Variants in ZNF385B observed in about 807,000 individuals in gnomAD.
The protein encoded by ZNF385B is zinc finger protein 533.
A neutral mutation model predicts 39.2 loss-of-function variants in ZNF385B; 23 were observed. The observed-to-expected ratio is 0.59, with a 90% CI of 0.42 to 0.83. ZNF385B has a LOEUF of 0.83. Ranked by LOEUF, ZNF385B falls within the 40% of genes least tolerant of loss-of-function variation. The pLI is 0.00. For synonymous variants in ZNF385B, 205 were observed against 222.6 expected (o/e 0.92, Z 0.70); for missense variants, 552 against 598.9 (o/e 0.92, Z 0.82).
At chr2:179,567,907 T>C (rs1403422062) in intron 3 of ZNF385B, among the ~76,000 whole-genome samples, 1 of 152,152 alleles carries the variant, frequency 6.6e-6, no homozygotes, top group African/African-American at 2.4e-5. Context: ...TCTTAAGGGA[T>C]CTTTCCGGGA....
chr2:179,554,718 A>G (rs1358295903), intron 3 of ZNF385B, among the ~76,000 whole-genome samples: 3 of 149,350 alleles, frequency 2.0e-5, no homozygotes, highest in Non-Finnish European at 3.0e-5. Flanking sequence ...AAAAGCATAT[A>G]TTAAAATGGC....
intron 6 of ZNF385B, among the ~76,000 whole-genome samples, chr2:179,483,050 C>A (rs2054173317): frequency 6.6e-6 from 1 of 151,174 alleles, no homozygotes; most frequent in African/African-American, 2.4e-5. Flanking sequence ...TTTACATATA[C>A]ACATATATAC....
intron 3 of ZNF385B, among the ~76,000 whole-genome samples, chr2:179,697,586 A>G (rs1698864287): frequency 1.3e-5 from 2 of 152,228 alleles, no homozygotes; most frequent in Non-Finnish European, 2.9e-5. Flanking sequence ...GGACTAATAC[A>G]GTAAGCTAAG....
intron 5 of ZNF385B, among the ~76,000 whole-genome samples, chr2:179,488,493 T>C (rs924854043): frequency 2.0e-5 from 3 of 152,164 alleles, no homozygotes; most frequent in African/African-American, 7.2e-5. Context: ...GGCTAGAATC[T>C]TGAATGAGGA....
chr2:179,585,939 C>T (rs1433639659), intron 3 of ZNF385B: 3 of 152,216 alleles, frequency 2.0e-5, no homozygotes, highest in East Asian at 3.8e-4. Flanking sequence ...TTCACAAATT[C>T]TACTTAGAAC....
At chr2:179,797,419 A>G (rs1705739624) in intron 1 of ZNF385B, among the ~76,000 whole-genome samples, 1 of 152,220 alleles carries the variant, frequency 6.6e-6, no homozygotes. Context: ...TTTAAAATTA[A>G]TAACAATTCC....
intron 3 of ZNF385B, among the ~76,000 whole-genome samples, chr2:179,665,245 T>A (rs1362036615): frequency 6.6e-6 from 1 of 152,192 alleles, no homozygotes; most frequent in African/African-American, 2.4e-5. Context: ...ATAATGATAA[T>A]ACAATATTTA....
intron 3 of ZNF385B, among the ~76,000 whole-genome samples, chr2:179,636,850 T>C (rs1575054789): frequency 1.3e-5 from 2 of 152,198 alleles, no homozygotes; most frequent in South Asian, 4.1e-4. Flanking sequence ...TTACACTGTT[T>C]GTGGAATAAA....
At chr2:179,613,610 A>G (rs972827281) in intron 3 of ZNF385B, among the ~76,000 whole-genome samples, 1 of 151,960 alleles carries the variant, frequency 6.6e-6, no homozygotes, top group Non-Finnish European at 1.5e-5. Context: ...CTATCCTACT[A>G]TGGTGGAGTT....
chr2:179,768,978 T>C (rs945148052), intron 3 of ZNF385B, among the ~76,000 whole-genome samples: 1 of 152,234 alleles, frequency 6.6e-6, no homozygotes, highest in African/African-American at 2.4e-5. Context: ...TGCCTGTTCC[T>C]ATTGTTAGAA....
intron 1 of ZNF385B, among the ~76,000 whole-genome samples, chr2:179,797,044 C>T (rs1425645626): frequency 1.3e-5 from 2 of 151,922 alleles, no homozygotes; most frequent in African/African-American, 4.8e-5. Flanking sequence ...TATGAATGTA[C>T]TTTTGGGAAT....
At chr2:179,664,036 TATAA>T (rs1177770273) in intron 3 of ZNF385B, among the ~76,000 whole-genome samples, 2 of 150,102 alleles carry the variant, frequency 1.3e-5, no homozygotes, top group Non-Finnish European at 3.0e-5. Context: ...TTTTTGGAAT[TATAA>T]ATAGTTTTAA....
intron 3 of ZNF385B, among the ~76,000 whole-genome samples, chr2:179,670,514 T>C (rs529716863): frequency 3.7e-5 from 5 of 134,896 alleles, no homozygotes; most frequent in Admixed American, 7.5e-5. Flanking sequence ...TAGGAACTAA[T>C]AGGTCTTGAA....
At chr2:179,459,891 G>C (rs2051129771) in intron 6 of ZNF385B, among the ~76,000 whole-genome samples, 2 of 151,568 alleles carry the variant, frequency 1.3e-5, no homozygotes, top group Non-Finnish European at 2.9e-5. Context: ...ATCACCTGAG[G>C]TCAGGAGTTC....
At chr2:179,816,155 AAC>A (rs1707051927) in intron 1 of ZNF385B, among the ~76,000 whole-genome samples, 1 of 152,144 alleles carries the variant, frequency 6.6e-6, no homozygotes, top group Non-Finnish European at 1.5e-5. Context: ...CATTTAACTA[AAC>A]GGAAACTTCA....
rs114790433 is a variant in ZNF385B, at chr2:179,713,069, T to A, written c.298+56434A>T. 9.5e-3 allele frequency among the ~76,000 whole-genome samples: 1,442 copies of A among 152,296 alleles called. 27 individuals carry two copies. The highest frequency in any genetic ancestry group is 0.033 in the African/African-American group (1,382 of 41,554). On this transcript the variant is annotated intron_variant, in intron 3 of 9. Coordinates refer to ENST00000410066, the MANE Select transcript of ZNF385B (RefSeq NM_152520.6). Reference sequence around the variant, plus strand: ...AGTGGACTGTGTTGCCAGATGATTTTACCCAACTGTAGGCTAATAAAAGTG... The same window carrying A: ...AGTGGACTGTGTTGCCAGATGATTTAACCCAACTGTAGGCTAATAAAAGTG...
intron 1 of ZNF385B, among the ~76,000 whole-genome samples, chr2:179,816,981 T>C (rs1025918524): frequency 1.2e-4 from 19 of 152,256 alleles, no homozygotes; most frequent in Admixed American, 3.9e-4. Context: ...GTGTCCCAAA[T>C]GTTGCTTTCC....
intron 3 of ZNF385B, among the ~76,000 whole-genome samples, chr2:179,724,303 C>T (rs563573541): frequency 2.4e-4 from 36 of 152,158 alleles, no homozygotes; most frequent in African/African-American, 7.9e-4. Context: ...AGCAAGACTC[C>T]ATCTCAGTAA....
At chr2:179,564,805 C>G (rs964437622) in intron 3 of ZNF385B, among the ~76,000 whole-genome samples, 1 of 152,140 alleles carries the variant, frequency 6.6e-6, no homozygotes, top group Non-Finnish European at 1.5e-5. Context: ...TCCCTCCCAC[C>G]TGTATCCCAT....
Sources: gnomAD v4.1 joint callset for allele counts (sites outside exome capture counted in the v4.1 genomes callset) on GRCh38, gnomAD v4.1.1 for gene constraint, MANE v1.5 for transcripts, NCBI Gene and HGNC (gene_info 2026-07-23, HGNC 2026-07-21) for gene names.